Variants in SYN3 observed in about 807,000 individuals in gnomAD.
SYN3 encodes the protein synapsin-3.
Under a neutral mutation model 65.8 loss-of-function variants are expected in SYN3, and 35 were observed. The observed-to-expected ratio is 0.53, with a 90% confidence interval of 0.41 to 0.70. The LOEUF (loss-of-function observed/expected upper bound fraction) is 0.70. Ranked by LOEUF, SYN3 falls within the 30% of genes least tolerant of loss-of-function variation. SYN3 has a pLI of 0.00. For synonymous variants in SYN3, 270 were observed against 292.9 expected (o/e 0.92, Z 0.80); for missense variants, 680 against 749.0 (o/e 0.91, Z 1.08).
intron 6 of SYN3, among the ~76,000 whole-genome samples, chr22:32,765,646 G>A (rs1257975480): frequency 6.6e-6 from 1 of 152,188 alleles, no homozygotes; most frequent in Admixed American, 6.5e-5. Flanking sequence ...GGACACGTGA[G>A]CGTTAAGAGT....
chr22:32,816,439 C>T (rs191628702), intron 6 of SYN3, among the ~76,000 whole-genome samples: 106 of 152,286 alleles, frequency 7.0e-4, no homozygotes, highest in African/African-American at 2.6e-3. Context: ...GAACTTTGGA[C>T]TGAGGTTATA....
chr22:33,000,965 A>AT (rs1233748575), intron 2 of SYN3, among the ~76,000 whole-genome samples: 2 of 152,274 alleles, frequency 1.3e-5, no homozygotes, highest in Admixed American at 6.5e-5. Context: ...GTCAGCATCA[A>AT]TTTGGAGAAA....
At chr22:32,882,532 T>A (rs925700470) in intron 4 of SYN3, among the ~76,000 whole-genome samples, 14 of 152,208 alleles carry the variant, frequency 9.2e-5, no homozygotes, top group African/African-American at 3.1e-4. Flanking sequence ...TAATTGATCC[T>A]GACAGTTGCC....
At chr22:32,859,495 TG>T in intron 6 of SYN3, 14 of 1,297,968 alleles carry the variant, frequency 1.1e-5, no homozygotes, top group Non-Finnish European at 1.5e-5. Context: ...ATTTAGCACT[TG>T]GAACATTTAA....
intron 6 of SYN3, among the ~76,000 whole-genome samples, chr22:32,723,153 C>T (rs1252681754): frequency 1.3e-5 from 2 of 152,140 alleles, no homozygotes; most frequent in Non-Finnish European, 2.9e-5. Flanking sequence ...CCATCTGCCG[C>T]CAGAAAGGTC....
intron 6 of SYN3, among the ~76,000 whole-genome samples, chr22:32,814,213 AGAAAG>A (rs572905453): frequency 7.0e-4 from 102 of 144,874 alleles, no homozygotes; most frequent in African/African-American, 2.6e-3. Context: ...AAGAAAACAA[AGAAAG>A]GAAAGAAAGA....
At chr22:33,011,930 T>C (rs1029386881) in intron 1 of SYN3, among the ~76,000 whole-genome samples, 3 of 152,204 alleles carry the variant, frequency 2.0e-5, no homozygotes, top group African/African-American at 7.2e-5. Flanking sequence ...TTGCTTTTTC[T>C]CTCTTTTTGA....
In SYN3 at chr22:33,035,083, A is replaced by G. The variant is rs80208584; in HGVS notation, c.-163+23209T>C. Among the ~76,000 whole-genome samples, 859 of 152,230 alleles carry G rather than the reference A, an allele frequency of 5.6e-3. 10 individuals are homozygous for G. The highest frequency in any genetic ancestry group is 0.02 in the African/African-American group (818 of 41,544). ...CCCCATTTGTAGGCTAGCAACAGGC[A>G]GCTTTACTGCTGAAGGAAAGGAGTG... On this transcript the variant is annotated intron_variant, in intron 1 of 13. Coordinates refer to ENST00000358763, the MANE Select transcript of SYN3 (RefSeq NM_003490.4).
chr22:32,745,742 C>T (rs2044913894), intron 6 of SYN3, among the ~76,000 whole-genome samples: 1 of 151,934 alleles, frequency 6.6e-6, no homozygotes, highest in South Asian at 2.1e-4. Flanking sequence ...GAGAAAAACA[C>T]AGAGGTGGGG....
intron 6 of SYN3, among the ~76,000 whole-genome samples, chr22:32,781,680 T>C (rs2046069089): frequency 2.0e-5 from 3 of 150,432 alleles, no homozygotes; most frequent in South Asian, 4.2e-4. Context: ...TTATTATTAT[T>C]ATTAATATTA....
chr22:32,880,437 C>G (rs1157667620), intron 4 of SYN3, among the ~76,000 whole-genome samples: 1 of 152,162 alleles, frequency 6.6e-6, no homozygotes, highest in Non-Finnish European at 1.5e-5. Context: ...TACAGGGGGG[C>G]TCTGGGGCAA....
chr22:32,847,955 C>A (rs560483028), intron 6 of SYN3, among the ~76,000 whole-genome samples: 2 of 152,246 alleles, frequency 1.3e-5, no homozygotes, highest in South Asian at 4.1e-4. Context: ...TGGCAGCCCC[C>A]CTGCCTTTTG....
intron 6 of SYN3, among the ~76,000 whole-genome samples, chr22:32,687,146 TTTTA>T (rs1289424372): frequency 2.6e-5 from 4 of 151,628 alleles, no homozygotes; most frequent in Admixed American, 6.6e-5. Flanking sequence ...TAGGTCTTGT[TTTTA>T]TTTATTTATT....
intron 6 of SYN3, among the ~76,000 whole-genome samples, chr22:32,705,231 A>G (rs2060864980): frequency 6.6e-6 from 1 of 152,160 alleles, no homozygotes; most frequent in Admixed American, 6.6e-5. Context: ...TAGTTTTTGT[A>G]TATGGTGTAA....
At chr22:32,559,949 C>T (rs543576758) in intron 7 of SYN3, among the ~76,000 whole-genome samples, 6 of 152,228 alleles carry the variant, frequency 3.9e-5, no homozygotes, top group African/African-American at 1.4e-4. Flanking sequence ...GGCAAAATGG[C>T]GGAGTGTATG....
At chr22:32,975,654 T>C (rs1160257701) in intron 3 of SYN3, among the ~76,000 whole-genome samples, 1 of 152,204 alleles carries the variant, frequency 6.6e-6, no homozygotes, top group Non-Finnish European at 1.5e-5. Flanking sequence ...GACTTTATAT[T>C]GTATTCCTAT....
intron 3 of SYN3, among the ~76,000 whole-genome samples, chr22:32,952,862 G>C (rs2051333022): frequency 6.6e-6 from 1 of 152,226 alleles, no homozygotes; most frequent in Non-Finnish European, 1.5e-5. Flanking sequence ...AAACGAGTTT[G>C]AATCTGATCT....
At chr22:32,782,603 C>T (rs924382934) in intron 6 of SYN3, among the ~76,000 whole-genome samples, 1 of 151,354 alleles carries the variant, frequency 6.6e-6, no homozygotes, top group Non-Finnish European at 1.5e-5. Flanking sequence ...CTGCAACCTC[C>T]ACCTCCTAGG....
intron 6 of SYN3, among the ~76,000 whole-genome samples, chr22:32,604,174 TAGTC>T (rs2059329407): frequency 6.6e-6 from 1 of 152,200 alleles, no homozygotes; most frequent in Non-Finnish European, 1.5e-5. Context: ...AAGATTTAAA[TAGTC>T]AGAGTCTGGT....
Sources: gnomAD v4.1 joint callset for allele counts (sites outside exome capture counted in the v4.1 genomes callset) on GRCh38, gnomAD v4.1.1 for gene constraint, MANE v1.5 for transcripts, NCBI Gene and HGNC (gene_info 2026-07-23, HGNC 2026-07-21) for gene names.